C17orf75: variants seen among roughly 807,000 people sequenced by gnomAD.
The protein encoded by C17orf75 is chromosome 17 open reading frame 75.
In C17orf75, 32 loss-of-function variants were observed where a neutral mutation model predicts 49.6. The observed-to-expected ratio is 0.65, with a 90% confidence interval of 0.49 to 0.87. The LOEUF is 0.87. Ranked by LOEUF, C17orf75 falls within the 40% of genes least tolerant of loss-of-function variation. C17orf75 has a pLI of 0.00. For synonymous variants in C17orf75, 158 were observed against 159.5 expected (o/e 0.99, Z 0.07); for missense variants, 428 against 473.9 (o/e 0.90, Z 0.90).
At chr17:32,334,446 C>A (rs769565360) in intron 8 of C17orf75, 23 bp downstream of exon 8, 4 of 1,604,958 alleles carry the variant, frequency 2.5e-6, no homozygotes, top group Non-Finnish European at 3.4e-6. Context: ...TGTAGGAAGG[C>A]TGCTTCAGAG....
intron 2 of C17orf75, 71 bp from the exon 3 acceptor site, chr17:32,340,009 T>C (rs367743122): frequency 6.4e-7 from 1 of 1,567,346 alleles, no homozygotes. Context: ...TCAGACAGAA[T>C]GGTACCAACG....
At chr17:32,334,009 A>G (rs1180352616) in intron 8 of C17orf75, among the ~76,000 whole-genome samples, 3 of 152,168 alleles carry the variant, frequency 2.0e-5, no homozygotes, top group Non-Finnish European at 2.9e-5. Flanking sequence ...TATTCTGCAT[A>G]TGTTAAAACT....
At chr17:32,335,998 C>A (rs1014991171) in intron 5 of C17orf75, among the ~76,000 whole-genome samples, 1 of 152,206 alleles carries the variant, frequency 6.6e-6, no homozygotes, top group Admixed American at 6.5e-5. Flanking sequence ...GCTTTCTAGG[C>A]TATACTGCTC....
At chr17:32,349,636 A>G (rs1268779944) in intron 1 of C17orf75, among the ~76,000 whole-genome samples, 1 of 152,058 alleles carries the variant, frequency 6.6e-6, no homozygotes, top group Non-Finnish European at 1.5e-5. Flanking sequence ...CCCAACGACC[A>G]CTACCACTAC....
chr17:32,338,665 C>G (rs1311468306), intron 3 of C17orf75, among the ~76,000 whole-genome samples: 1 of 152,148 alleles, frequency 6.6e-6, no homozygotes, highest in African/African-American at 2.4e-5. Context: ...GTATGTTCTC[C>G]CCTCTCCCAA....
intron 2 of C17orf75, chr17:32,340,892 C>A (rs2041373370): frequency 1.4e-5 from 4 of 281,494 alleles, no homozygotes; most frequent in African/African-American, 2.2e-5. Flanking sequence ...CTGCAGCGAG[C>A]CAAAGTCATG....
intron 9 of C17orf75, among the ~76,000 whole-genome samples, chr17:32,332,732 C>T (rs1407103114): frequency 6.6e-6 from 1 of 152,204 alleles, no homozygotes; most frequent in Non-Finnish European, 1.5e-5. Flanking sequence ...CACCACTGCA[C>T]TCTAGCCTGA....
intron 5 of C17orf75, 106 bp from the exon 6 acceptor site, chr17:32,335,548 C>A (rs1329855705): frequency 1.5e-6 from 2 of 1,362,170 alleles, no homozygotes; most frequent in Non-Finnish European, 2.0e-6. Flanking sequence ...AGGATAGACA[C>A]CTCCCTTTTT....
chr17:32,338,176 C>T (rs558894623), intron 4 of C17orf75, 32 bp downstream of exon 4: 4 of 1,601,764 alleles, frequency 2.5e-6, no homozygotes, highest in South Asian at 2.3e-5. Context: ...TGTTTTCCTT[C>T]CTGATGTTCT....
upstream of C17orf75, among the ~76,000 whole-genome samples, chr17:32,346,096 T>C (rs2041423109): frequency 6.6e-6 from 1 of 152,138 alleles, no homozygotes; most frequent in African/African-American, 2.4e-5. Flanking sequence ...TGGATCATTC[T>C]AGCCTCCTCC....
chr17:32,338,608 C>T (rs922115242), intron 3 of C17orf75, among the ~76,000 whole-genome samples: 6 of 152,140 alleles, frequency 3.9e-5, no homozygotes, highest in African/African-American at 1.4e-4. Context: ...GTGAAAAATT[C>T]ACACAAATTT....
At chr17:32,337,344 T>G (rs534716668) in intron 5 of C17orf75, among the ~76,000 whole-genome samples, 3 of 151,886 alleles carry the variant, frequency 2.0e-5, no homozygotes, top group Non-Finnish European at 4.4e-5. Flanking sequence ...TTGCCTGTAG[T>G]CCCAGCTGTT....
upstream of C17orf75, chr17:32,342,187 G>C (rs2150779729): frequency 2.0e-6 from 3 of 1,480,400 alleles, no homozygotes; most frequent in Middle Eastern, 3.5e-4. Context: ...CCGCTCCCCT[G>C]CTCCCGTGCA....
upstream of C17orf75, chr17:32,343,981 C>G (rs76902200): frequency 1.6e-5 from 11 of 683,190 alleles, no homozygotes; most frequent in Middle Eastern, 2.4e-4. Context: ...GGTTCATATA[C>G]AAATTGTGAA....
At chr17:32,340,091 G>A in intron 2 of C17orf75, 153 bp from the exon 3 acceptor site, 1 of 801,150 alleles carries the variant, frequency 1.2e-6, no homozygotes, top group Non-Finnish European at 1.9e-6. Context: ...AGGAATGTAT[G>A]TCACTAAGTA....
chr17:32,338,245 C>T lies in C17orf75; in HGVS notation c.454G>A (p.Val152Ile). 1.2e-6 allele frequency: 2 copies of T among 1,612,742 alleles called. No homozygotes were observed. The highest frequency in any genetic ancestry group is 1.1e-5 in the South Asian group (1 of 90,540). Residue 152 changes from valine to isoleucine, a missense_variant, in exon 4 of 10, where the codon GTC becomes ATC. Physicochemically the swap from Val to Ile is conservative, Grantham distance 29 (BLOSUM62 3). Coordinates refer to ENST00000577809, the MANE Select transcript of C17orf75 (RefSeq NM_022344.4). ...TTTTCAGACCCTCCTAAAAAACAGA[C>T]CACATATTCTGAAGGGTTACGTTCA... ...DSERNPSEYV[V>I]CFLGGSEKGL...
At chr17:32,348,867 C>CT (rs561014138) in intron 1 of C17orf75, among the ~76,000 whole-genome samples, 20,541 of 108,826 alleles carry the variant, frequency 0.19, 3,008 homozygotes, top group East Asian at 0.53. Flanking sequence ...CAGCTCCAGT[C>CT]TTTTTTTTTT....
At chr17:32,346,665 C>G (rs2041427946), upstream of C17orf75, among the ~76,000 whole-genome samples, 1 of 152,072 alleles carries the variant, frequency 6.6e-6, no homozygotes, top group Non-Finnish European at 1.5e-5. Context: ...CTCTGCCTCC[C>G]AGGTTCAAGC....
intron 1 of C17orf75, among the ~76,000 whole-genome samples, chr17:32,347,612 T>C (rs909945502): frequency 5.3e-5 from 8 of 152,034 alleles, no homozygotes; most frequent in Non-Finnish European, 1.0e-4. Flanking sequence ...GTCTGGAAAT[T>C]TGGAAATCCA....
Sources: allele counts gnomAD v4.1 joint callset (sites outside exome capture counted in the v4.1 genomes callset), GRCh38; gene constraint gnomAD v4.1.1; transcripts MANE v1.5; gene names NCBI Gene and HGNC (gene_info 2026-07-23, HGNC 2026-07-21).